The following PRR13 variants were observed in gnomAD, a reference collection of about 807,000 sequenced individuals.
The protein encoded by PRR13 is proline rich 13, also known as proline-rich protein 13.
PRR13 carries 7 observed loss-of-function variants against 11.5 expected under a neutral mutation model. The observed-to-expected ratio is 0.61, with a 90% CI of 0.34 to 1.14. The LOEUF (loss-of-function observed/expected upper bound fraction) is 1.14, where lower values mean the gene tolerates loss of function less well. Among genes scored for constraint, PRR13 ranks in the 50% most tolerant of loss-of-function variants. The probability of loss-of-function intolerance (pLI) is 0.03; values close to 1 mark genes in which losing one functional copy is unlikely to be tolerated. For missense variants in PRR13, 155 were observed against 194.4 expected (o/e 0.80, Z 1.21); for synonymous variants, 53 against 67.8 (o/e 0.78, Z 1.07).
intron 3 of PRR13, among the ~76,000 whole-genome samples, chr12:53,444,533 G>A (rs1466870071): frequency 1.3e-5 from 2 of 152,170 alleles, no homozygotes; most frequent in African/African-American, 4.8e-5. Context: ...GTTTCACCGT[G>A]TTAGCCAAGA....
intron 3 of PRR13, 78 bp from the exon 4 acceptor site, chr12:53,445,937 A>G (rs1940390846): frequency 1.9e-6 from 3 of 1,610,724 alleles, no homozygotes; most frequent in Non-Finnish European, 2.5e-6. Context: ...TGGGGCACCA[A>G]AGAATGGCCC....
At chr12:53,445,527 CTT>C (rs1162967373) in intron 3 of PRR13, among the ~76,000 whole-genome samples, 2 of 152,138 alleles carry the variant, frequency 1.3e-5, no homozygotes, top group Middle Eastern at 3.2e-3. Context: ...ACCTTCCCCA[CTT>C]TTTCCCATTG....
chr12:53,444,178 G>T lies in PRR13; in HGVS notation c.402+405G>T, dbSNP rs78407185. On this transcript the variant is annotated intron_variant, in intron 3 of 3. Transcript: ENST00000429243. ...TTATAATAATTAACAGAATTAATCT[G>T]TCCCTAGTTCCAGAAGTTCCTTCTC... 68 of 270,820 alleles carry T rather than the reference G, an allele frequency of 2.5e-4. No individual in the cohort carries two copies. In the East Asian group the frequency reaches 4.5e-3, roughly 18 times the overall value. 16.8% of individuals were successfully genotyped at this position (270,820 alleles called of 1,614,324 possible).
Position 53,443,335 on chromosome 12 carries a change from TTTG to T in PRR13, c.20-49_20-47del. ...AGAAAGAATCTCTTTCTTTTTGTTG[TTTG>T]TTGTTGGAGACTCTGGGGAATTCTA... On this transcript the variant is annotated intron_variant, in intron 2 of 3. Coordinates refer to ENST00000429243, the MANE Select transcript of PRR13 (RefSeq NM_018457.4). 2.3e-6 allele frequency: 3 copies of T among 1,313,478 alleles called. No individual in the cohort carries two copies. The East Asian group carries it at 8.3e-5, about 36-fold the overall frequency. The allele number at this position is 1,313,478 out of a possible 1,614,324, so 81.4% of individuals were successfully genotyped here.
At chr12:53,443,361 C>G (rs751921021) in intron 2 of PRR13, 30 bp from the exon 3 acceptor site, 15 of 1,361,884 alleles carry the variant, frequency 1.1e-5, no homozygotes, top group Non-Finnish European at 1.4e-5. Context: ...CTGGGGAATT[C>G]TAATGTTTAT....
At chr12:53,442,869 G>T (rs1940322663) in intron 2 of PRR13, 136 bp downstream of exon 2, 1 of 717,378 alleles carries the variant, frequency 1.4e-6, no homozygotes, top group Admixed American at 3.5e-5. Context: ...GAGCTGACCA[G>T]TGCTTTTTAA....
chr12:53,446,114 C>G lies in PRR13; in HGVS notation c.*55C>G, dbSNP rs1342238359. On this transcript the variant is annotated 3_prime_UTR_variant, in exon 4 of 4. Coordinates refer to ENST00000429243, the MANE Select transcript of PRR13 (RefSeq NM_018457.4). ...TCACCAGTTCTGCTCTCCCATCAAG[C>G]TTCAGATGCCATGTTGTACTGGGGG... 1 of 1,610,110 alleles carries G rather than the reference C, an allele frequency of 6.2e-7. No homozygotes were observed. The highest frequency in any genetic ancestry group is 1.7e-5 in the Admixed American group (1 of 60,004).
chr12:53,444,600 A>G (rs1024741579), intron 3 of PRR13, among the ~76,000 whole-genome samples: 1 of 152,212 alleles, frequency 6.6e-6, no homozygotes, highest in South Asian at 2.1e-4. Flanking sequence ...AAGTGCTGGG[A>G]TTACAGGCGT....
chr12:53,443,656 T>C lies in PRR13; in HGVS notation c.285T>C (p.Ala95=), dbSNP rs754323600. 6 of 1,614,154 alleles carry C rather than the reference T, an allele frequency of 3.7e-6. No homozygotes were observed. The highest frequency in any genetic ancestry group is 8.5e-7 in the Non-Finnish European group (1 of 1,180,036). Residue 95 remains alanine (A), a synonymous_variant, in exon 3 of 4, where the codon GCT becomes GCC. Coordinates refer to ENST00000429243, the MANE Select transcript of PRR13 (RefSeq NM_018457.4). The stretch of plus-strand genomic sequence containing the variant: ...GAATCCCTCCTGTGAATCCCTTGGC[T>C]CCTGGCATGGTTGGACCAGCAGTGA... ...APGIPPVNPL[A]PGMVGPAVIV... is the part of the protein sequence containing the mutation.
chr12:53,443,953 AAAAT>A, intron 3 of PRR13, 180 bp downstream of exon 3: 3 of 813,982 alleles, frequency 3.7e-6, no homozygotes, highest in Non-Finnish European at 5.7e-6. Context: ...GATTATCTTG[AAAAT>A]AAACATCAGG....
chr12:53,445,950 G>C, intron 3 of PRR13, 65 bp from the exon 4 acceptor site: 1 of 1,613,128 alleles, frequency 6.2e-7, no homozygotes, highest in Non-Finnish European at 8.5e-7. Flanking sequence ...AATGGCCCAC[G>C]GAGTGATGAA....
At chr12:53,442,631 C>T (rs866104481) in intron 1 of PRR13, 64 bp from the exon 2 acceptor site, 2 of 1,423,290 alleles carry the variant, frequency 1.4e-6, no homozygotes, top group Non-Finnish European at 2.0e-6. Flanking sequence ...GGCTGGGCTC[C>T]GGTGCTAAGT....
At position 53,441,767 on chromosome 12, in the gene PRR13, C is replaced by G. The variant is rs1434824576; in HGVS notation, c.-46C>G. On this transcript the variant is annotated 5_prime_UTR_variant, in exon 1 of 4. Transcript: ENST00000429243. Reference sequence around the variant, plus strand: ...AGAGCCGAGACTGCGAAGGAGAACGCAGCAAGCCCAGGCGGCGGTGGAAAG... The same window carrying G: ...AGAGCCGAGACTGCGAAGGAGAACGGAGCAAGCCCAGGCGGCGGTGGAAAG... The G allele has an allele frequency of 7.1e-6, 5 of 702,112 alleles. No individual in the cohort carries two copies. Among genetic ancestry groups the G allele is most frequent in the Non-Finnish European group, 1.0e-5 (4 of 384,798 alleles). 43.5% of individuals were successfully genotyped at this position (702,112 alleles called of 1,614,324 possible).
chr12:53,442,937 A>C, intron 2 of PRR13: 1 of 454,688 alleles, frequency 2.2e-6, no homozygotes, highest in South Asian at 4.7e-5. Flanking sequence ...GCTCACTGCA[A>C]CCTCCGCCTC....
Position 53,446,016 on chromosome 12 carries a change from ATTCCTCCTC to A in PRR13, c.414_422del (p.Ser143_Ser145del), listed in dbSNP as rs1940392840. The A allele has an allele frequency of 1.3e-6, 2 of 1,580,964 alleles. No individual in the cohort carries two copies. Among genetic ancestry groups the A allele is most frequent in the African/African-American group, 1.5e-5 (1 of 65,530 alleles). On this transcript the variant is annotated inframe_deletion and splice_region_variant, in exon 4 of 4. Coordinates refer to ENST00000429243, the MANE Select transcript of PRR13 (RefSeq NM_018457.4). ...CCCCTTTCCCCTTTCCCCTTGCAGC[ATTCCTCCTC>A]TTCCTCCTCCTCTTCCAGCAGTGAT...
At chr12:53,442,437 G>A (rs866768331) in intron 1 of PRR13, 1 of 339,494 alleles carries the variant, frequency 2.9e-6, no homozygotes, top group Non-Finnish European at 5.5e-6. Context: ...TAGAGACGGG[G>A]TTTCACGATG....
chr12:53,443,462 C>T lies in PRR13; in HGVS notation c.91C>T (p.Pro31Ser), dbSNP rs1309837643. The T allele has an allele frequency of 3.5e-6, 5 of 1,447,344 alleles. No homozygotes were observed. Among genetic ancestry groups the T allele is most frequent in the Non-Finnish European group, 9.1e-7 (1 of 1,096,336 alleles). 89.7% of individuals were successfully genotyped at this position (1,447,344 alleles called of 1,614,324 possible). ...AGGTTCCAATCCTGCCCACCCACCA[C>T]CTATTAATCCACCCTTTCCCCCAGG... ...PGGSNPAHPP[P>S]INPPFPPGPC... is the part of the protein sequence containing the mutation. Residue 31 changes from proline to serine, a missense_variant, in exon 3 of 4, where the codon CCT becomes TCT. Physicochemically the swap from Pro to Ser is moderately conservative, Grantham distance 74. Coordinates refer to ENST00000429243, the MANE Select transcript of PRR13 (RefSeq NM_018457.4).
Position 53,443,732 on chromosome 12 carries a change from C to G in PRR13, c.361C>G (p.His121Asp). The part of the protein sequence containing the change: ...KKMKKAHKKM[H>D]KHQKHHKYHK... ...AATGAAGAAAGCTCATAAAAAGATG[C>G]ACAAGCACCAAAAGCACCACAAGTA... The change falls in exon 3 of 4, where the codon CAC becomes GAC. Residue 121 changes from histidine (H) to aspartate (D), a missense_variant. Physicochemically the swap from His to Asp is moderately conservative, Grantham distance 81. Transcript: ENST00000429243. The G allele has an allele frequency of 6.2e-7, 1 of 1,612,760 alleles. No individual in the cohort carries two copies. The highest frequency in any genetic ancestry group is 2.2e-5 in the East Asian group (1 of 44,888).
chr12:53,444,280 A>G (rs1940356310), intron 3 of PRR13, among the ~76,000 whole-genome samples: 1 of 151,810 alleles, frequency 6.6e-6, no homozygotes, highest in South Asian at 2.1e-4. Flanking sequence ...AAAAGTGAGG[A>G]CAAGAGCAGT....
Sources: gnomAD v4.1 joint callset for allele counts (sites outside exome capture counted in the v4.1 genomes callset) on GRCh38, gnomAD v4.1.1 for gene constraint, MANE v1.5 for transcripts, NCBI Gene and HGNC (gene_info 2026-07-23, HGNC 2026-07-21) for gene names.